The following DLC1 variants were observed in gnomAD, a reference collection of about 807,000 sequenced individuals.
DLC1 encodes DLC1 Rho GTPase activating protein, also known as rho GTPase-activating protein 7.
DLC1 carries 54 observed loss-of-function variants against 140.3 expected under a neutral mutation model. That is an observed-to-expected ratio of 0.38 (90% CI 0.31 to 0.48). The LOEUF (loss-of-function observed/expected upper bound fraction) is 0.48, where lower values mean the gene tolerates loss of function less well. Ranked by LOEUF, DLC1 falls within the 20% of genes least tolerant of loss-of-function variation. The pLI is 0.96. For synonymous variants in DLC1, 986 were observed against 728.1 expected, an observed-to-expected ratio of 1.35 and a Z score of -5.70; for missense variants, 2,536 against 1,907.0, an observed-to-expected ratio of 1.33 and a Z score of -6.14.
chr8:13,485,480 G>C (rs1168929690), intron 2 of DLC1, among the ~76,000 whole-genome samples: 4 of 152,152 alleles, frequency 2.6e-5, no homozygotes, highest in Admixed American at 2.0e-4. Context: ...GCAGTAACTG[G>C]AACTCTAGCT....
At chr8:13,087,152 G>T (rs546842935) in intron 16 of DLC1, among the ~76,000 whole-genome samples, 1 of 152,224 alleles carries the variant, frequency 6.6e-6, no homozygotes, top group South Asian at 2.1e-4. Flanking sequence ...TGTAATCCCG[G>T]CGCTTTGGGA....
chr8:13,439,133 T>C (rs1417116258), intron 2 of DLC1, among the ~76,000 whole-genome samples: 1 of 152,198 alleles, frequency 6.6e-6, no homozygotes, highest in African/African-American at 2.4e-5. Flanking sequence ...GAGACCATCC[T>C]GGCAAACATG....
At chr8:13,113,556 T>C (rs2128949043) in intron 6 of DLC1, among the ~76,000 whole-genome samples, 1 of 152,272 alleles carries the variant, frequency 6.6e-6, no homozygotes, top group Non-Finnish European at 1.5e-5. Context: ...TGGCAGCAAA[T>C]CAATGCCAAA....
At chr8:13,554,682 C>T (rs1313645774) in intron 1 of DLC1, among the ~76,000 whole-genome samples, 1 of 152,186 alleles carries the variant, frequency 6.6e-6, no homozygotes, top group East Asian at 1.9e-4. Flanking sequence ...ATGGTCCTTT[C>T]TTACCACCTC....
At chr8:13,573,102 G>A (rs552537626) in intron 1 of DLC1, among the ~76,000 whole-genome samples, 2 of 152,206 alleles carry the variant, frequency 1.3e-5, no homozygotes, top group African/African-American at 2.4e-5. Flanking sequence ...TCCAATTCAC[G>A]CACATTGATG....
rs750120068 is a variant in DLC1 at position 13,095,195 on chromosome 8, C to T, written c.3218G>A (p.Arg1073Gln). The T allele has an allele frequency of 4.4e-5, 71 of 1,614,106 alleles. No homozygotes were observed. Among genetic ancestry groups the T allele is most frequent in the East Asian group, 1.8e-4 (8 of 44,898 alleles). ...CGTCAGTGGGACCCCAAACACACTC[C>T]GGTCCTTGTAGTCTGGAACCTTGAT... ...KRIKVPDYKD[R>Q]SVFGVPLTVN... Residue 1073 changes from arginine to glutamine, a missense_variant, in exon 11 of 18, where the codon CGG becomes CAG. Transcript: ENST00000276297.
At chr8:13,574,840 C>T (rs895966756) in intron 1 of DLC1, among the ~76,000 whole-genome samples, 1 of 152,042 alleles carries the variant, frequency 6.6e-6, no homozygotes, top group African/African-American at 2.4e-5. Context: ...GTCTGGGACC[C>T]AGCTTAGAAT....
chr8:13,234,351 C>G (rs1829187515), intron 5 of DLC1, among the ~76,000 whole-genome samples: 1 of 152,072 alleles, frequency 6.6e-6, no homozygotes, highest in African/African-American at 2.4e-5. Context: ...GGTTCCTCAT[C>G]TACTAGTTGA....
In DLC1 at chr8:13,100,103, C is replaced by A; in HGVS notation, c.2234G>T (p.Ser745Ile). The change falls in exon 9 of 18, where the codon AGC becomes ATC. Residue 745 changes from serine to isoleucine, a missense_variant. Physicochemically the swap from Ser to Ile is moderately radical, Grantham distance 142 (BLOSUM62 -2). Transcript: ENST00000276297. Reference sequence around the variant, plus strand: ...GACCGCGCTGCTGGTCTCCGACTGGCTGCTGCTGCTGCTGGTCTGCGTGGA... The same window carrying A: ...GACCGCGCTGCTGGTCTCCGACTGGATGCTGCTGCTGCTGGTCTGCGTGGA... ...SNSTQTSSSS[S>I]QSETSSAVST... 6.2e-7 allele frequency: 1 copy of A among 1,603,536 alleles called. No homozygotes were observed. Among genetic ancestry groups the A allele is most frequent in the Non-Finnish European group, 8.5e-7 (1 of 1,175,056 alleles).
intron 1 of DLC1, among the ~76,000 whole-genome samples, chr8:13,573,143 A>C (rs1585289667): frequency 6.6e-6 from 1 of 152,084 alleles, no homozygotes. Context: ...TTATTTTGTC[A>C]GTGTTTTGTG....
At chr8:13,404,306 C>A (rs1331787140) in intron 2 of DLC1, among the ~76,000 whole-genome samples, 2 of 151,972 alleles carry the variant, frequency 1.3e-5, no homozygotes, top group African/African-American at 2.4e-5. Context: ...GTAAATACTC[C>A]CCTGACCCAT....
intron 4 of DLC1, among the ~76,000 whole-genome samples, chr8:13,333,334 T>C (rs1010856759): frequency 6.6e-6 from 1 of 152,188 alleles, no homozygotes; most frequent in Non-Finnish European, 1.5e-5. Flanking sequence ...CAAGCCATCC[T>C]CCCACCTCAG....
chr8:13,212,672 G>A (rs779098309), intron 5 of DLC1, among the ~76,000 whole-genome samples: 7 of 152,132 alleles, frequency 4.6e-5, no homozygotes, highest in Non-Finnish European at 7.4e-5. Context: ...ATGATGGACT[G>A]CACAGTATTA....
At chr8:13,201,953 G>A (rs1344884346) in intron 5 of DLC1, among the ~76,000 whole-genome samples, 3 of 103,360 alleles carry the variant, frequency 2.9e-5, no homozygotes, top group East Asian at 2.8e-4. Flanking sequence ...TGGTTGGTTC[G>A]TTGTTTGTTT....
chr8:13,392,769 C>G (rs911979172), intron 4 of DLC1, among the ~76,000 whole-genome samples: 2 of 152,140 alleles, frequency 1.3e-5, no homozygotes, highest in African/African-American at 4.8e-5. Context: ...TCACAATCTA[C>G]ACATGAAGCA....
intron 4 of DLC1, among the ~76,000 whole-genome samples, chr8:13,307,994 CA>C (rs1832524666): frequency 1.3e-5 from 2 of 152,190 alleles, no homozygotes; most frequent in Non-Finnish European, 2.9e-5. Context: ...GACATTTAGG[CA>C]TTGTCTAAAG....
At chr8:13,130,944 T>C (rs1388011955) in intron 5 of DLC1, among the ~76,000 whole-genome samples, 5 of 152,260 alleles carry the variant, frequency 3.3e-5, no homozygotes, top group Admixed American at 1.3e-4. Context: ...GCAAAAAGTA[T>C]GCATCTGCGC....
At chr8:13,335,767 C>A (rs960950937) in intron 4 of DLC1, among the ~76,000 whole-genome samples, 10 of 152,068 alleles carry the variant, frequency 6.6e-5, no homozygotes, top group African/African-American at 2.4e-4. Context: ...AGAATCATGG[C>A]AGACTTTATA....
intron 1 of DLC1, among the ~76,000 whole-genome samples, chr8:13,529,008 A>G (rs1332249818): frequency 6.6e-6 from 1 of 152,194 alleles, no homozygotes; most frequent in African/African-American, 2.4e-5. Flanking sequence ...CAAGACGATT[A>G]TTTCCTTCTC....
Sources: allele counts gnomAD v4.1 joint callset (sites outside exome capture counted in the v4.1 genomes callset), GRCh38; gene constraint gnomAD v4.1.1; transcripts MANE v1.5; gene names NCBI Gene and HGNC (gene_info 2026-07-23, HGNC 2026-07-21).